Variants in EYS observed in about 807,000 individuals in gnomAD.
The protein encoded by EYS is EGF-like photoreceptor maintenance factor, also known as protein eyes shut homolog.
Under a neutral mutation model 282.1 loss-of-function variants are expected in EYS, and 250 were observed. That is an observed-to-expected ratio of 0.89 (90% confidence interval 0.80 to 0.98). The LOEUF (loss-of-function observed/expected upper bound fraction) is 0.98, where lower values mean the gene tolerates loss of function less well. Among genes scored for constraint, EYS ranks in the 50% least tolerant of loss-of-function variants. The pLI, the probability that EYS is intolerant of heterozygous loss-of-function variation, is 0.00. For synonymous variants in EYS, 1,355 were observed against 1,282.9 expected (o/e 1.06, Z -1.20); for missense variants, 4,016 against 3,709.0 (o/e 1.08, Z -2.15).
At chr6:63,843,187 A>T (rs921529590) in intron 36 of EYS, among the ~76,000 whole-genome samples, 1 of 152,192 alleles carries the variant, frequency 6.6e-6, no homozygotes, top group Non-Finnish European at 1.5e-5. Flanking sequence ...GAATTTATAA[A>T]TTACTTTGGG....
At position 64,980,265 on chromosome 6, in the gene EYS, C is replaced by T. The variant is rs188323847; in HGVS notation, c.2259+17317G>A. On this transcript the variant is annotated intron_variant, in intron 14 of 42. Transcript: ENST00000503581. ...AATGATCTCAGTTTAAATGCTACTT[C>T]CCCCTTTAAGGCATTAAAATAGCAC... is the stretch of plus-strand genomic sequence containing the variant. 7.9e-5 allele frequency among the ~76,000 whole-genome samples: 12 copies of T among 151,510 alleles called. No individual in the cohort carries two copies. In the East Asian group the frequency reaches 1.6e-3, roughly 20 times the overall value.
chr6:65,347,903 C>T (rs1423404641), intron 9 of EYS, among the ~76,000 whole-genome samples: 1 of 151,424 alleles, frequency 6.6e-6, no homozygotes, highest in Non-Finnish European at 1.5e-5. Flanking sequence ...CCTCTGGTAA[C>T]CATCATTCTA....
At chr6:64,424,665 A>C (rs1290487554) in intron 28 of EYS, among the ~76,000 whole-genome samples, 1 of 152,190 alleles carries the variant, frequency 6.6e-6, no homozygotes, top group Non-Finnish European at 1.5e-5. Context: ...TCTCAAATCA[A>C]GTTTCATCCC....
intron 2 of EYS, among the ~76,000 whole-genome samples, chr6:65,542,480 T>C (rs1562249661): frequency 7.5e-6 from 1 of 132,660 alleles, no homozygotes; most frequent in Non-Finnish European, 1.6e-5. Context: ...AGAATGTGTG[T>C]GTGTGTGTGT....
intron 19 of EYS, among the ~76,000 whole-genome samples, chr6:64,859,334 TACAGTAGCATCAATAA>T (rs1766163963): frequency 6.6e-6 from 1 of 151,024 alleles, no homozygotes; most frequent in Admixed American, 6.6e-5. Context: ...AAATCCCATT[TACAGTAGCATCAATAA>T]AAATATTACA....
intron 35 of EYS, among the ~76,000 whole-genome samples, chr6:63,878,171 CTGTT>C (rs1292908816): frequency 6.6e-6 from 1 of 151,370 alleles, no homozygotes; most frequent in Non-Finnish European, 1.5e-5. Context: ...GATGTCCTTT[CTGTT>C]TGTTAGTTTT....
At chr6:65,083,976 A>G (rs1157263472) in intron 12 of EYS, among the ~76,000 whole-genome samples, 1 of 151,826 alleles carries the variant, frequency 6.6e-6, no homozygotes, top group Non-Finnish European at 1.5e-5. Context: ...AAGACATATT[A>G]GAATATATAT....
chr6:64,635,485 G>T (rs62417972), intron 22 of EYS, among the ~76,000 whole-genome samples: 1 of 151,990 alleles, frequency 6.6e-6, no homozygotes, highest in South Asian at 2.1e-4. Context: ...TTATTATTTT[G>T]AGATATGTCC....
chr6:65,455,657 T>A (rs1369509898), intron 5 of EYS, among the ~76,000 whole-genome samples: 4 of 151,830 alleles, frequency 2.6e-5, no homozygotes, highest in Non-Finnish European at 5.9e-5. Context: ...ATAGAAAAAA[T>A]TGATATGTTT....
chr6:65,620,985 T>G (rs1209595252), intron 2 of EYS, among the ~76,000 whole-genome samples: 1 of 152,188 alleles, frequency 6.6e-6, no homozygotes, highest in Non-Finnish European at 1.5e-5. Flanking sequence ...ATGTGGTCAA[T>G]TTTGGAATAG....
chr6:64,044,664 G>A (rs1014425656), intron 33 of EYS, among the ~76,000 whole-genome samples: 5 of 152,046 alleles, frequency 3.3e-5, no homozygotes, highest in African/African-American at 1.2e-4. Flanking sequence ...CATTCTTTCT[G>A]TTCTTTTCAG....
intron 35 of EYS, among the ~76,000 whole-genome samples, chr6:63,919,427 A>G (rs1363320812): frequency 6.7e-6 from 1 of 149,550 alleles, no homozygotes; most frequent in Non-Finnish European, 1.5e-5. Flanking sequence ...CAACCCACAC[A>G]TCCTTCTTCA....
At chr6:65,364,308 T>A (rs902747035) in intron 8 of EYS, among the ~76,000 whole-genome samples, 8 of 151,050 alleles carry the variant, frequency 5.3e-5, no homozygotes, top group Admixed American at 2.0e-4. Flanking sequence ...TTTCCTTCCA[T>A]AAGAAGTAGT....
chr6:64,798,834 A>G (rs1774445790), intron 22 of EYS, among the ~76,000 whole-genome samples: 1 of 151,776 alleles, frequency 6.6e-6, no homozygotes, highest in Admixed American at 6.6e-5. Context: ...AGTAGTCATA[A>G]TAGACTTTTC....
At chr6:64,108,878 A>T (rs568158467) in intron 31 of EYS, among the ~76,000 whole-genome samples, 5 of 152,100 alleles carry the variant, frequency 3.3e-5, no homozygotes, top group Non-Finnish European at 7.4e-5. Context: ...GTGAGAGCTA[A>T]ATATGATTTT....
chr6:65,056,999 T>TA (rs200132331), intron 13 of EYS, among the ~76,000 whole-genome samples: 1 of 151,908 alleles, frequency 6.6e-6, no homozygotes, highest in South Asian at 2.1e-4. Flanking sequence ...GGTATAACAT[T>TA]AAAAAAAATC....
chr6:65,285,825 T>C (rs557914597), intron 12 of EYS, among the ~76,000 whole-genome samples: 1 of 151,966 alleles, frequency 6.6e-6, no homozygotes, highest in Non-Finnish European at 1.5e-5. Context: ...TTGACAACTA[T>C]ATCATTTAAC....
intron 1 of EYS, among the ~76,000 whole-genome samples, chr6:65,703,229 C>T (rs1666132116): frequency 6.6e-6 from 1 of 152,088 alleles, no homozygotes; most frequent in Non-Finnish European, 1.5e-5. Context: ...CTGTTACTCT[C>T]TCTATATATA....
At chr6:63,970,025 C>T (rs1766481460) in intron 35 of EYS, among the ~76,000 whole-genome samples, 1 of 152,116 alleles carries the variant, frequency 6.6e-6, no homozygotes, top group Non-Finnish European at 1.5e-5. Context: ...ACACCCAGAC[C>T]CCCGCTACGA....
Sources: allele counts gnomAD v4.1 joint callset (sites outside exome capture counted in the v4.1 genomes callset), GRCh38; gene constraint gnomAD v4.1.1; transcripts MANE v1.5; gene names NCBI Gene and HGNC (gene_info 2026-07-23, HGNC 2026-07-21).